The following PLD5 variants were observed in gnomAD, a reference collection of about 807,000 sequenced individuals.
The protein encoded by PLD5 is phospholipase D family member 5.
Under a neutral mutation model 61.1 loss-of-function variants are expected in PLD5, and 36 were observed. The ratio of observed to expected loss-of-function variants is 0.59; its 90% CI spans 0.45 to 0.78. PLD5 has a LOEUF of 0.78. Among genes scored for constraint, PLD5 ranks in the 30% least tolerant of loss-of-function variants. The pLI, the probability that PLD5 is intolerant of heterozygous loss-of-function variation, is 0.00. For synonymous variants in PLD5, 243 were observed against 242.8 expected (o/e 1.00, Z -0.01); for missense variants, 515 against 644.4 (o/e 0.80, Z 2.17).
intron 1 of PLD5, among the ~76,000 whole-genome samples, chr1:242,469,052 T>A (rs1050949720): frequency 6.6e-6 from 1 of 152,242 alleles, no homozygotes; most frequent in African/African-American, 2.4e-5. Flanking sequence ...CTAGACTGAT[T>A]AGCTGCAAAC....
In PLD5 at chr1:242,157,213, A is replaced by G. The variant is rs529900402; in HGVS notation, c.736-32548T>C. Among the ~76,000 whole-genome samples the G allele has an allele frequency of 1.4e-4, 22 of 152,268 alleles. No homozygotes were observed. In the Middle Eastern group the frequency reaches 0.01, roughly 71 times the overall value. On this transcript the variant is annotated intron_variant, in intron 5 of 9. Transcript: ENST00000536534. ...GTTTTTCAGCTCCATCAGGTCATCT[A>G]TGTTCTTCTCTAAACTGGATATTCT...
At chr1:242,417,028 A>C (rs971508865) in intron 1 of PLD5, among the ~76,000 whole-genome samples, 3 of 152,198 alleles carry the variant, frequency 2.0e-5, no homozygotes, top group Non-Finnish European at 4.4e-5. Context: ...TAAAATATAT[A>C]ATATTTCAGA....
rs141644049 is a variant in PLD5, at chr1:242,267,040, C to T, written c.496-1592G>A. ...GCTGAGGCAGGAGAATCACTGGAAC[C>T]TGGGAGGTGGAGGTTACAGTGAGCT... On this transcript the variant is annotated intron_variant, in intron 3 of 9. Transcript: ENST00000536534. Among the ~76,000 whole-genome samples the T allele has an allele frequency of 7.4e-3, 1,126 of 151,964 alleles. 11 individuals are homozygous for T. Among genetic ancestry groups the T allele is most frequent in the African/African-American group, 0.026 (1,056 of 41,404 alleles).
intron 8 of PLD5, among the ~76,000 whole-genome samples, chr1:242,101,082 T>C (rs1660649356): frequency 6.6e-6 from 1 of 152,248 alleles, no homozygotes; most frequent in Non-Finnish European, 1.5e-5. Context: ...TAATTCTCAT[T>C]GTCTTATTCA....
At chr1:242,163,407 T>G (rs1666037288) in intron 5 of PLD5, among the ~76,000 whole-genome samples, 1 of 151,998 alleles carries the variant, frequency 6.6e-6, no homozygotes, top group Non-Finnish European at 1.5e-5. Flanking sequence ...CCTCCCAAAG[T>G]GCTGGGATTA....
At chr1:242,091,726 C>T (rs1659836964) in intron 9 of PLD5, among the ~76,000 whole-genome samples, 2 of 152,118 alleles carry the variant, frequency 1.3e-5, no homozygotes, top group Admixed American at 1.3e-4. Flanking sequence ...ATAGATAAGA[C>T]TCCTATATAA....
intron 4 of PLD5, among the ~76,000 whole-genome samples, chr1:242,249,904 T>C (rs1383180149): frequency 6.6e-6 from 1 of 152,210 alleles, no homozygotes; most frequent in Non-Finnish European, 1.5e-5. Context: ...CCATGAAAAT[T>C]AGCATTGATA....
At chr1:242,140,158 C>T (rs960015471) in intron 5 of PLD5, among the ~76,000 whole-genome samples, 3 of 152,180 alleles carry the variant, frequency 2.0e-5, no homozygotes, top group Non-Finnish European at 2.9e-5. Context: ...TGCACACCAA[C>T]GTGTTCGGCA....
At chr1:242,120,851 C>T (rs570749342) in intron 6 of PLD5, among the ~76,000 whole-genome samples, 2 of 152,200 alleles carry the variant, frequency 1.3e-5, no homozygotes, top group African/African-American at 4.8e-5. Flanking sequence ...ATTATCTGGC[C>T]CAAGTTACTA....
chr1:242,243,272 G>C (rs1292858029), intron 4 of PLD5, among the ~76,000 whole-genome samples: 1 of 152,206 alleles, frequency 6.6e-6, no homozygotes, highest in East Asian at 1.9e-4. Context: ...CGGCCAAACT[G>C]GTTTCTGAAG....
At chr1:242,485,696 C>T (rs1455156027) in intron 1 of PLD5, among the ~76,000 whole-genome samples, 1 of 152,140 alleles carries the variant, frequency 6.6e-6, no homozygotes, top group Non-Finnish European at 1.5e-5. Flanking sequence ...ACTTTCTGCA[C>T]AGAATTGGAA....
intron 1 of PLD5, among the ~76,000 whole-genome samples, chr1:242,472,009 A>G (rs562271942): frequency 6.6e-6 from 1 of 152,330 alleles, no homozygotes; most frequent in Admixed American, 6.5e-5. Context: ...CTGGGAGACC[A>G]CCCTGTTCGA....
At chr1:242,403,468 C>CT (rs199559256) in intron 1 of PLD5, among the ~76,000 whole-genome samples, 3,756 of 138,996 alleles carry the variant, frequency 0.027, 156 homozygotes, top group African/African-American at 0.084. Flanking sequence ...CTTGGATAGG[C>CT]TTTTTTTTTT....
At chr1:242,151,287 T>A (rs534127240) in intron 5 of PLD5, among the ~76,000 whole-genome samples, 1 of 152,144 alleles carries the variant, frequency 6.6e-6, no homozygotes, top group East Asian at 1.9e-4. Flanking sequence ...GATCATATTC[T>A]TTATGCCTAA....
intron 1 of PLD5, among the ~76,000 whole-genome samples, chr1:242,476,809 C>T (rs567430182): frequency 6.6e-6 from 1 of 152,234 alleles, no homozygotes; most frequent in African/African-American, 2.4e-5. Flanking sequence ...TGAAGGACTT[C>T]CTGGGAAAAT....
rs548727093 is a variant in PLD5 at position 242,137,979 on chromosome 1, A to G, written c.736-13314T>C. Among the ~76,000 whole-genome samples, 3 of 152,320 alleles carry G rather than the reference A, an allele frequency of 2.0e-5. No homozygotes were observed. The East Asian group carries it at 5.8e-4, about 29-fold the overall frequency. On this transcript the variant is annotated intron_variant, in intron 5 of 9. Transcript: ENST00000536534. ...GACATGGCTGTCATCAATAATTTAA[A>G]TGAATTAGATGTCTGAGGGTAGTTA...
At chr1:242,275,275 T>G (rs868321835) in intron 3 of PLD5, among the ~76,000 whole-genome samples, 9 of 152,094 alleles carry the variant, frequency 5.9e-5, no homozygotes, top group South Asian at 4.1e-4. Flanking sequence ...TATATATTCA[T>G]ATTCATATAG....
chr1:242,337,935 C>A (rs12075270), intron 2 of PLD5, among the ~76,000 whole-genome samples: 1 of 152,106 alleles, frequency 6.6e-6, no homozygotes, highest in Non-Finnish European at 1.5e-5. Context: ...TTTGCAGAAT[C>A]TTTTATTGCT....
intron 1 of PLD5, among the ~76,000 whole-genome samples, chr1:242,501,936 ATGACT>A (rs561296113): frequency 9.7e-4 from 148 of 152,204 alleles, no homozygotes; most frequent in African/African-American, 3.3e-3. Flanking sequence ...GGCTGAACAA[ATGACT>A]TGACTTAATA....
Sources: gnomAD v4.1 joint callset for allele counts (sites outside exome capture counted in the v4.1 genomes callset) on GRCh38, gnomAD v4.1.1 for gene constraint, MANE v1.5 for transcripts, NCBI Gene and HGNC (gene_info 2026-07-23, HGNC 2026-07-21) for gene names.